The following TRAM2 variants were observed in gnomAD, a reference collection of about 807,000 sequenced individuals.
The protein encoded by TRAM2 is translocation associated membrane protein 2.
Under a neutral mutation model 51.0 loss-of-function variants are expected in TRAM2, and 12 were observed. The observed-to-expected ratio is 0.24, with a 90% CI of 0.15 to 0.38. The LOEUF (loss-of-function observed/expected upper bound fraction) is 0.38, where lower values mean the gene tolerates loss of function less well. TRAM2 is among the 10% of genes least tolerant of loss of function. The pLI is 1.00. For synonymous variants in TRAM2, 175 were observed against 179.4 expected (o/e 0.98, Z 0.20); for missense variants, 361 against 462.0 (o/e 0.78, Z 2.00).
At chr6:52,554,981 T>C (rs1767378844) in intron 1 of TRAM2, among the ~76,000 whole-genome samples, 1 of 152,022 alleles carries the variant, frequency 6.6e-6, no homozygotes, top group Admixed American at 6.6e-5. Context: ...CCCGAAGTGC[T>C]GAGATAACAA....
At position 52,510,063 on chromosome 6, in the gene TRAM2, G is replaced by A. The variant is rs115810481; in HGVS notation, c.412-477C>T. Among the ~76,000 whole-genome samples the A allele has an allele frequency of 9.3e-3, 1,412 of 152,156 alleles. 9 individuals carry two copies. Among genetic ancestry groups the A allele is most frequent in the Non-Finnish European group, 0.013 (877 of 68,012 alleles). On this transcript the variant is annotated intron_variant, in intron 4 of 10. Transcript: ENST00000182527. ...CAAATGAACTCTAGAATCACCACTC[G>A]CTGGAAAAATGAAAAGCCTACTTTG...
rs1240223289 is a variant in TRAM2 at position 52,516,808 on chromosome 6, G to A, written c.185-71C>T. On this transcript the variant is annotated intron_variant, in intron 2 of 10. Coordinates refer to ENST00000182527, the MANE Select transcript of TRAM2 (RefSeq NM_012288.4). ...ATACTCTGGGACCCAAAACTGAAAT[G>A]AGATGGGAGGCGAAATGCGCCATCA... 3.3e-6 allele frequency: 4 copies of A among 1,206,214 alleles called. No individual in the cohort carries two copies. The African/African-American group carries it at 6.0e-5, about 18-fold the overall frequency. The allele number at this position is 1,206,214 out of a possible 1,614,324, so 74.7% of individuals were successfully genotyped here. A position where few individuals can be genotyped will look rare whatever the true frequency, so the allele number is the denominator to read the frequency against.
chr6:52,504,259 C>T lies in TRAM2; in HGVS notation c.1039+332G>A, dbSNP rs548188026. Among the ~76,000 whole-genome samples, 29 of 152,330 alleles carry T rather than the reference C, an allele frequency of 1.9e-4. No individual in the cohort carries two copies. In the East Asian group the frequency reaches 4.4e-3, roughly 23 times the overall value. ...GCCGTCCGGCACTGAGAATGGGCGG[C>T]GGCGGCAGTAGCAGCACTTGGCTGG... On this transcript the variant is annotated intron_variant, in intron 10 of 10. Transcript: ENST00000182527.
chr6:52,562,381 T>A (rs545192720), intron 1 of TRAM2, among the ~76,000 whole-genome samples: 1 of 151,860 alleles, frequency 6.6e-6, no homozygotes, highest in Non-Finnish European at 1.5e-5. Context: ...CAAGTGAAAA[T>A]AGGAAGCATG....
At chr6:52,558,884 C>T (rs551848935) in intron 1 of TRAM2, among the ~76,000 whole-genome samples, 2 of 152,322 alleles carry the variant, frequency 1.3e-5, no homozygotes, top group East Asian at 3.9e-4. Flanking sequence ...CGAAATCACA[C>T]ACCATTAATT....
At chr6:52,559,246 G>A (rs1767457741) in intron 1 of TRAM2, among the ~76,000 whole-genome samples, 1 of 152,174 alleles carries the variant, frequency 6.6e-6, no homozygotes, top group East Asian at 1.9e-4. Context: ...CTCCACATCA[G>A]GAAAGATCAG....
intron 1 of TRAM2, among the ~76,000 whole-genome samples, chr6:52,546,941 A>G (rs1359314201): frequency 6.6e-6 from 1 of 152,194 alleles, no homozygotes; most frequent in Non-Finnish European, 1.5e-5. Context: ...GTGGGGATTA[A>G]TAAATATTTA....
At chr6:52,556,235 C>T (rs185411308) in intron 1 of TRAM2, among the ~76,000 whole-genome samples, 5 of 151,146 alleles carry the variant, frequency 3.3e-5, no homozygotes, top group Non-Finnish European at 5.9e-5. Context: ...CAGAGGTCAC[C>T]GAGAAGCCCT....
At chr6:52,505,809 C>T in intron 8 of TRAM2, 67 bp from the exon 9 acceptor site, 1 of 1,537,456 alleles carries the variant, frequency 6.5e-7, no homozygotes, top group Non-Finnish European at 8.8e-7. Flanking sequence ...ACCCACTTCT[C>T]CAGAAGAGAC....
chr6:52,530,671 C>G (rs1766872107), intron 2 of TRAM2, among the ~76,000 whole-genome samples: 1 of 152,138 alleles, frequency 6.6e-6, no homozygotes, highest in South Asian at 2.1e-4. Flanking sequence ...CTACCAGAAG[C>G]CAGGAGGGAA....
intron 1 of TRAM2, among the ~76,000 whole-genome samples, chr6:52,553,362 G>C (rs1322670281): frequency 1.3e-5 from 2 of 152,212 alleles, no homozygotes; most frequent in African/African-American, 4.8e-5. Flanking sequence ...CTGCAATAAA[G>C]AAACAGTAAA....
chr6:52,573,217 G>T (rs1767708477), intron 1 of TRAM2, among the ~76,000 whole-genome samples: 1 of 152,198 alleles, frequency 6.6e-6, no homozygotes, highest in South Asian at 2.1e-4. Flanking sequence ...GTTTCAATTT[G>T]AAACGTGGCA....
intron 4 of TRAM2, among the ~76,000 whole-genome samples, chr6:52,510,421 G>A (rs568866201): frequency 2.6e-4 from 39 of 152,312 alleles, no homozygotes; most frequent in African/African-American, 7.7e-4. Context: ...GGAGAGGGAG[G>A]CTAAAAGGCA....
At chr6:52,535,634 T>C (rs1339921370) in intron 2 of TRAM2, 149 bp downstream of exon 2, 3 of 604,666 alleles carry the variant, frequency 5.0e-6, no homozygotes, top group African/African-American at 3.7e-5. Context: ...TGAGCCAAGA[T>C]TGTGCCACTG....
At chr6:52,518,602 G>GA (rs1766600710) in intron 2 of TRAM2, among the ~76,000 whole-genome samples, 1 of 152,160 alleles carries the variant, frequency 6.6e-6, no homozygotes, top group South Asian at 2.1e-4. Context: ...GAGGAAGGGA[G>GA]AAGGAGGGCT....
intron 1 of TRAM2, among the ~76,000 whole-genome samples, chr6:52,538,593 C>T (rs769092305): frequency 3.9e-5 from 6 of 152,140 alleles, no homozygotes; most frequent in Non-Finnish European, 4.4e-5. Flanking sequence ...TGTTCAACTC[C>T]GGCTGCACAT....
Position 52,549,134 on chromosome 6 carries a change from T to C in TRAM2, c.121-13288A>G, listed in dbSNP as rs551079135. Reference sequence around the variant, plus strand: ...TTTACGGGGGCTGTCCACCGTGTGGTCCAACTTCAGATCTCAGCTGTGCCC... The same window carrying C: ...TTTACGGGGGCTGTCCACCGTGTGGCCCAACTTCAGATCTCAGCTGTGCCC... On this transcript the variant is annotated intron_variant, in intron 1 of 10. Transcript: ENST00000182527. Among the ~76,000 whole-genome samples, 4 of 152,280 alleles carry C rather than the reference T, an allele frequency of 2.6e-5. No homozygotes were observed. The East Asian group carries it at 7.7e-4, about 29-fold the overall frequency.
At chr6:52,575,482 C>T (rs1767747934) in intron 1 of TRAM2, among the ~76,000 whole-genome samples, 2 of 152,156 alleles carry the variant, frequency 1.3e-5, no homozygotes, top group African/African-American at 4.8e-5. Context: ...GTCCTAGCAC[C>T]ACCGTTTATT....
chr6:52,565,106 T>C (rs191133049), intron 1 of TRAM2, among the ~76,000 whole-genome samples: 15 of 152,144 alleles, frequency 9.9e-5, no homozygotes, highest in Admixed American at 3.9e-4. Context: ...TGGGGAAGCT[T>C]TGAAGCCAAG....
Sources: gnomAD v4.1 joint callset for allele counts (sites outside exome capture counted in the v4.1 genomes callset) on GRCh38, gnomAD v4.1.1 for gene constraint, MANE v1.5 for transcripts, NCBI Gene and HGNC (gene_info 2026-07-23, HGNC 2026-07-21) for gene names.